The following IL1R2 variants were observed in gnomAD, a reference collection of about 807,000 sequenced individuals.
The protein encoded by IL1R2 is interleukin-1 receptor type 2.
Under a neutral mutation model 39.5 loss-of-function variants are expected in IL1R2, and 46 were observed. The ratio of observed to expected loss-of-function variants is 1.16; its 90% confidence interval spans 0.92 to 1.49. The LOEUF is 1.49. IL1R2 is among the 40% of genes most tolerant of loss of function. IL1R2 has a pLI of 0.00. For synonymous variants in IL1R2, 207 were observed against 189.6 expected (o/e 1.09, Z -0.75); for missense variants, 537 against 502.0 (o/e 1.07, Z -0.67).
chr2:102,008,548 C>T lies in IL1R2; in HGVS notation c.-28C>T, dbSNP rs899369169. ...CTGCTGGGTCTCAGTCCTCCACTTC[C>T]CGTGTCCTCTGGAAGTTGTCAGGAG... On this transcript the variant is annotated 5_prime_UTR_variant, in exon 2 of 9. Coordinates refer to ENST00000332549, the MANE Select transcript of IL1R2 (RefSeq NM_004633.4). The T allele has an allele frequency of 2.5e-6, 4 of 1,605,036 alleles. No homozygotes were observed. Among genetic ancestry groups the T allele is most frequent in the Non-Finnish European group, 3.4e-6 (4 of 1,172,020 alleles).
chr2:102,024,754 C>T (rs1248210561), intron 7 of IL1R2, 86 bp downstream of exon 7: 1 of 1,464,096 alleles, frequency 6.8e-7, no homozygotes, highest in African/African-American at 1.4e-5. Flanking sequence ...CCACATACCA[C>T]ATTAAAAGTT....
chr2:102,009,787 C>A lies in IL1R2; in HGVS notation c.293C>A (p.Ala98Asp). Residue 98 changes from alanine (A) to aspartate (D), a missense_variant, in exon 3 of 9, where the codon GCC becomes GAC. Coordinates refer to ENST00000332549, the MANE Select transcript of IL1R2 (RefSeq NM_004633.4). Reference protein sequence around the residue: ...AQDGALWLLPALQEDSGTYVC... With the variant: ...AQDGALWLLPDLQEDSGTYVC... ...GACGGTGCTCTGTGGCTTCTGCCAG[C>A]CTTGCAGGAGGACTCTGGCACCTAC... 2.5e-6 allele frequency: 4 copies of A among 1,614,204 alleles called. No individual in the cohort carries two copies. The highest frequency in any genetic ancestry group is 3.4e-6 in the Non-Finnish European group (4 of 1,180,048).
rs1450525414 is a variant in IL1R2 at position 102,011,882 on chromosome 2, C to T, written c.332+2056C>T. 4.6e-5 allele frequency among the ~76,000 whole-genome samples: 7 copies of T among 152,106 alleles called. No homozygotes were observed. The South Asian group carries it at 1.2e-3, about 27-fold the overall frequency. ...TCTTCTAAGAATTTTATAGTTTTAG[C>T]TCTTTTGCTTTTTGATCCATTTTGA... is the stretch of plus-strand genomic sequence containing the variant. On this transcript the variant is annotated intron_variant, in intron 3 of 8. Coordinates refer to ENST00000332549, the MANE Select transcript of IL1R2 (RefSeq NM_004633.4).
intron 8 of IL1R2, among the ~76,000 whole-genome samples, chr2:102,027,316 A>ATTTTTTTGG (rs1437774025): frequency 1.3e-5 from 2 of 152,150 alleles, no homozygotes; most frequent in African/African-American, 4.8e-5. Context: ...CACAAAAATC[A>ATTTTTTTGG]GAATGTTCCC....
chr2:101,995,251 G>A (rs191444293), intron 1 of IL1R2, among the ~76,000 whole-genome samples: 1 of 152,334 alleles, frequency 6.6e-6, no homozygotes, highest in East Asian at 1.9e-4. Context: ...AAGAGGATCA[G>A]GAGGTCAGTG....
rs1210561859 is a variant in IL1R2 at position 102,009,824 on chromosome 2, T to G, written c.330T>G (p.Thr110=). 2.5e-6 allele frequency: 4 copies of G among 1,613,916 alleles called. No individual in the cohort carries two copies. The Admixed American group carries it at 6.7e-5, about 27-fold the overall frequency. ...ACTCTGGCACCTACGTCTGCACTAC[T>G]AGGTAAGTCTCCCTGTGCGGGGCTG... ...QEDSGTYVCT[T]RNASYCDKMS... is the part of the protein sequence containing the mutation. The change falls in exon 3 of 9, where the codon ACT becomes ACG. Residue 110 remains threonine, a splice_region_variant and synonymous_variant. Coordinates refer to ENST00000332549, the MANE Select transcript of IL1R2 (RefSeq NM_004633.4).
intron 1 of IL1R2, among the ~76,000 whole-genome samples, chr2:101,998,602 G>C (rs375424767): frequency 1.3e-5 from 2 of 152,244 alleles, no homozygotes; most frequent in African/African-American, 4.8e-5. Context: ...AGTTCAAACA[G>C]TGGTGCTCAG....
At chr2:101,996,611 C>A (rs1211466717) in intron 1 of IL1R2, among the ~76,000 whole-genome samples, 2 of 148,824 alleles carry the variant, frequency 1.3e-5, no homozygotes, top group Non-Finnish European at 3.0e-5. Context: ...GCACATTTTC[C>A]AGAGAGTGGA....
Position 102,009,882 on chromosome 2 carries a change from A to G in IL1R2, c.332+56A>G, listed in dbSNP as rs1457768978. Reference sequence around the variant, plus strand: ...GATCCTGGCAGGATGGAGGCTTGTGAGGGTCTTCAGTCATGATCCGGATCT... The same window carrying G: ...GATCCTGGCAGGATGGAGGCTTGTGGGGGTCTTCAGTCATGATCCGGATCT... On this transcript the variant is annotated intron_variant, in intron 3 of 8. Coordinates refer to ENST00000332549, the MANE Select transcript of IL1R2 (RefSeq NM_004633.4). The G allele has an allele frequency of 4.5e-6, 7 of 1,571,012 alleles. No homozygotes were observed. The East Asian group carries it at 1.3e-4, about 30-fold the overall frequency.
In IL1R2 at chr2:102,028,527, T is replaced by A; in HGVS notation, c.*135T>A. ...TGCCACATTTATAGTGGCTTTGTAG[T>A]AAAGGACTAAAGTCTTACATTCTGT... On this transcript the variant is annotated 3_prime_UTR_variant, in exon 9 of 9. Coordinates refer to ENST00000332549, the MANE Select transcript of IL1R2 (RefSeq NM_004633.4). 3.0e-6 allele frequency: 2 copies of A among 671,026 alleles called. No homozygotes were observed. The highest frequency in any genetic ancestry group is 4.7e-6 in the Non-Finnish European group (2 of 423,964). 41.6% of individuals were successfully genotyped at this position (671,026 alleles called of 1,614,324 possible). A position where few individuals can be genotyped will look rare whatever the true frequency, so the allele number is the denominator to read the frequency against.
In IL1R2 at chr2:102,007,895, C is replaced by G. The variant is rs3218849; in HGVS notation, c.-61-620C>G. Reference sequence around the variant, plus strand: ...TTTTAAAATCTTTTATCTGTACGCTCTCTGCTTAGGAACAAAAGGAAAGGC... The same window carrying G: ...TTTTAAAATCTTTTATCTGTACGCTGTCTGCTTAGGAACAAAAGGAAAGGC... On this transcript the variant is annotated intron_variant, in intron 1 of 8. Transcript: ENST00000332549. 6.2e-3 allele frequency among the ~76,000 whole-genome samples: 946 copies of G among 152,294 alleles called. 10 individuals are homozygous for G. Among genetic ancestry groups the G allele is most frequent in the African/African-American group, 0.022 (901 of 41,546 alleles).
At chr2:102,024,003 C>G (rs28385686) in intron 6 of IL1R2, among the ~76,000 whole-genome samples, 1 of 151,544 alleles carries the variant, frequency 6.6e-6, no homozygotes, top group African/African-American at 2.4e-5. Flanking sequence ...GAGCCGAGAT[C>G]GCCCCACCGC....
intron 2 of IL1R2, 78 bp downstream of exon 2, chr2:102,008,720 C>A: frequency 7.7e-7 from 1 of 1,303,626 alleles, no homozygotes; most frequent in Non-Finnish European, 1.1e-6. Context: ...GAGAAGTTTC[C>A]TTGTCAGAAA....
At chr2:102,003,695 G>T (rs1676066344) in intron 1 of IL1R2, among the ~76,000 whole-genome samples, 1 of 141,968 alleles carries the variant, frequency 7.0e-6, no homozygotes, top group African/African-American at 2.6e-5. Context: ...TCGGTGTCTA[G>T]GCCTATGTCT....
chr2:102,004,014 T>TGC (rs1676105921), intron 1 of IL1R2, among the ~76,000 whole-genome samples: 1 of 142,174 alleles, frequency 7.0e-6, no homozygotes, highest in African/African-American at 3.1e-5. Context: ...TATGTCTATG[T>TGC]CTATGTCTAT....
At chr2:102,020,139 C>T (rs1677279137) in intron 5 of IL1R2, among the ~76,000 whole-genome samples, 1 of 152,164 alleles carries the variant, frequency 6.6e-6, no homozygotes, top group Non-Finnish European at 1.5e-5. Flanking sequence ...AGCTTTGCAC[C>T]TATAGGGCTA....
At chr2:101,995,953 C>A (rs963413146) in intron 1 of IL1R2, among the ~76,000 whole-genome samples, 2 of 152,172 alleles carry the variant, frequency 1.3e-5, no homozygotes, top group Non-Finnish European at 2.9e-5. Context: ...CCTCAGCCTG[C>A]TGCCCAGATG....
At chr2:101,996,569 C>T (rs148277681) in intron 1 of IL1R2, among the ~76,000 whole-genome samples, 183 of 137,140 alleles carry the variant, frequency 1.3e-3, no homozygotes, top group Non-Finnish European at 2.1e-3. Flanking sequence ...GGGACAATTG[C>T]CACCCTTGGT....
At chr2:102,019,523 AC>A in intron 4 of IL1R2, 114 bp from the exon 5 acceptor site, 1 of 758,810 alleles carries the variant, frequency 1.3e-6, no homozygotes, top group South Asian at 1.9e-5. Context: ...CAAAGTAAAT[AC>A]CAGGACAATT....
Sources: gnomAD v4.1 joint callset for allele counts (sites outside exome capture counted in the v4.1 genomes callset) on GRCh38, gnomAD v4.1.1 for gene constraint, MANE v1.5 for transcripts, NCBI Gene and HGNC (gene_info 2026-07-23, HGNC 2026-07-21) for gene names.